PCDH9: variants seen among roughly 807,000 people sequenced by gnomAD.
PCDH9 encodes the protein protocadherin-9.
In PCDH9, 24 loss-of-function variants were observed where a neutral mutation model predicts 70.6. That is an observed-to-expected ratio of 0.34 (90% confidence interval 0.25 to 0.48). The LOEUF (loss-of-function observed/expected upper bound fraction) is 0.48, where lower values mean the gene tolerates loss of function less well. PCDH9 is among the 20% of genes least tolerant of loss of function. The probability of loss-of-function intolerance (pLI) is 0.99; values close to 1 mark genes in which losing one functional copy is unlikely to be tolerated. For synonymous variants in PCDH9, 562 were observed against 558.5 expected, an observed-to-expected ratio of 1.01 and a Z score of -0.09; for missense variants, 1,281 against 1,503.6, an observed-to-expected ratio of 0.85 and a Z score of 2.45.
At chr13:67,196,768 C>A (rs370099570) in intron 2 of PCDH9, among the ~76,000 whole-genome samples, 1 of 151,878 alleles carries the variant, frequency 6.6e-6, no homozygotes, top group Non-Finnish European at 1.5e-5. Context: ...TACCAAAAAA[C>A]CCAAAATCCT....
At chr13:67,069,577 C>G (rs1015645808) in intron 2 of PCDH9, among the ~76,000 whole-genome samples, 2 of 152,154 alleles carry the variant, frequency 1.3e-5, no homozygotes, top group African/African-American at 4.8e-5. Context: ...GCTTAATTCC[C>G]TCCTGCTTCC....
chr13:66,894,959 C>CA, intron 3 of PCDH9, among the ~76,000 whole-genome samples: 1 of 152,078 alleles, frequency 6.6e-6, no homozygotes, highest in South Asian at 2.1e-4. Flanking sequence ...AGGCATGTAC[C>CA]ACCATGCCTG....
chr13:67,223,314 A>G lies in PCDH9; in HGVS notation c.3036+2091T>C, dbSNP rs550700176. ...TGTCACTACACTATATATAGGTTCA[A>G]CTTTTGGGGAGGTCAGAAAAAGTGG... On this transcript the variant is annotated intron_variant, in intron 2 of 4. Coordinates refer to ENST00000377865, the MANE Select transcript of PCDH9 (RefSeq NM_203487.3). The G allele has an allele frequency of 2.4e-4, 37 of 152,260 alleles. No homozygotes were observed. In the South Asian group the frequency reaches 7.7e-3, roughly 32 times the overall value. The allele number at this position is 152,260 out of a possible 1,614,324, so 9.4% of individuals were successfully genotyped here. A position where few individuals can be genotyped will look rare whatever the true frequency, so the allele number is the denominator to read the frequency against.
intron 3 of PCDH9, among the ~76,000 whole-genome samples, chr13:66,668,326 T>C (rs1180901730): frequency 2.6e-5 from 4 of 152,194 alleles, no homozygotes; most frequent in Non-Finnish European, 5.9e-5. Flanking sequence ...CAGTCACTTT[T>C]CTTCTGAGAG....
chr13:66,398,484 C>T (rs181675958), intron 4 of PCDH9, among the ~76,000 whole-genome samples: 198 of 152,026 alleles, frequency 1.3e-3, no homozygotes, highest in African/African-American at 4.0e-3. Context: ...TACATATCCC[C>T]GTTAGGGTTT....
At chr13:66,611,082 T>A (rs1054411318) in intron 4 of PCDH9, among the ~76,000 whole-genome samples, 1 of 152,166 alleles carries the variant, frequency 6.6e-6, no homozygotes, top group Non-Finnish European at 1.5e-5. Flanking sequence ...TCAGGCACGA[T>A]AAAATACCCA....
chr13:66,824,707 CAT>C lies in PCDH9; in HGVS notation c.3138+78795_3138+78796del, dbSNP rs1291790075. Among the ~76,000 whole-genome samples the C allele has an allele frequency of 9.9e-3, 1,308 of 131,920 alleles. 23 individuals carry two copies. Among genetic ancestry groups the C allele is most frequent in the African/African-American group, 0.036 (1,202 of 33,418 alleles). 86.5% of individuals were successfully genotyped at this position (131,920 alleles called of 152,430 possible). A position where few individuals can be genotyped will look rare whatever the true frequency, so the allele number is the denominator to read the frequency against. On this transcript the variant is annotated intron_variant, in intron 3 of 4. Transcript: ENST00000377865. The stretch of plus-strand genomic sequence containing the variant: ...ATATATATATATATATGCACACACA[CAT>C]ATATATATACACACACACATATATA...
chr13:67,082,202 T>C (rs534323180), intron 2 of PCDH9, among the ~76,000 whole-genome samples: 1 of 152,334 alleles, frequency 6.6e-6, no homozygotes, highest in South Asian at 2.1e-4. Flanking sequence ...GGTTTAGTCA[T>C]ATTGCATAAC....
chr13:66,380,761 T>C (rs550564811), intron 4 of PCDH9, among the ~76,000 whole-genome samples: 24 of 152,186 alleles, frequency 1.6e-4, no homozygotes, highest in Non-Finnish European at 3.1e-4. Context: ...GCCAGGATGG[T>C]CTCGATCTCC....
rs1420635635 is a variant in PCDH9, at chr13:67,227,090, G to A, written c.1351C>T (p.Gln451Ter). The change falls in exon 2 of 5, where the codon CAG becomes TAG. Residue 451 changes from glutamine to a stop codon, truncating the protein, a stop_gained. Transcript: ENST00000377865. LOFTEE classifies it high-confidence loss of function. This position sits in a 1 kb window ranked among gnomAD's most constrained non-coding sequence, Gnocchi z 4.6. ...AGCTTAACCCTTACCAGGGCAGTCT[G>A]ATTTAAACTGGGCTTCCCAGAATCA... ...ASDSGKPSLN[Q>*]TALVRVKLED... The A allele has an allele frequency of 6.2e-7, 1 of 1,614,148 alleles. No individual in the cohort carries two copies. Among genetic ancestry groups the A allele is most frequent in the Non-Finnish European group, 8.5e-7 (1 of 1,179,996 alleles).
intron 3 of PCDH9, among the ~76,000 whole-genome samples, chr13:66,824,729 T>TATATATATATACACACACAC (rs2080787097): frequency 7.1e-6 from 1 of 140,226 alleles, no homozygotes; most frequent in Non-Finnish European, 1.5e-5. Flanking sequence ...CACACACACA[T>TATATATATATACACACACAC]ATATATATAT....
intron 3 of PCDH9, among the ~76,000 whole-genome samples, chr13:66,694,700 G>A (rs999039184): frequency 6.6e-6 from 1 of 151,710 alleles, no homozygotes; most frequent in Non-Finnish European, 1.5e-5. Flanking sequence ...TCTAAATACT[G>A]TGATATCATA....
chr13:67,091,300 T>G (rs2086213574), intron 2 of PCDH9, among the ~76,000 whole-genome samples: 1 of 152,054 alleles, frequency 6.6e-6, no homozygotes, highest in African/African-American at 2.4e-5. Context: ...AATCTATGTT[T>G]TATCTACACA....
rs945964854 is a variant in PCDH9, at chr13:66,368,819, T to A, written c.3341-63791A>T. On this transcript the variant is annotated intron_variant, in intron 4 of 4. Transcript: ENST00000377865. ...AAGGAGGAGCAAGTCACGTCTTACATGGATGGCAGCAGGCAAAGAGAGAGA... is the reference window on the plus strand; with the variant it reads ...AAGGAGGAGCAAGTCACGTCTTACAAGGATGGCAGCAGGCAAAGAGAGAGA... Among the ~76,000 whole-genome samples, 3 of 152,152 alleles carry A rather than the reference T, an allele frequency of 2.0e-5. No homozygotes were observed. The East Asian group carries it at 5.8e-4, about 30-fold the overall frequency.
intron 4 of PCDH9, among the ~76,000 whole-genome samples, chr13:66,439,733 C>T (rs1480202526): frequency 1.3e-5 from 2 of 152,112 alleles, no homozygotes; most frequent in Non-Finnish European, 2.9e-5. Flanking sequence ...TGTTAGGCTT[C>T]ACGGTATGTA....
chr13:66,382,564 A>G (rs1248635676), intron 4 of PCDH9, among the ~76,000 whole-genome samples: 1 of 152,130 alleles, frequency 6.6e-6, no homozygotes, highest in African/African-American at 2.4e-5. Context: ...ATGAAATTTT[A>G]TGAACTTCTC....
chr13:66,310,340 C>T (rs1450340336), intron 4 of PCDH9, among the ~76,000 whole-genome samples: 1 of 152,022 alleles, frequency 6.6e-6, no homozygotes, highest in African/African-American at 2.4e-5. Flanking sequence ...ATTAGCAGCT[C>T]TCAGACAGGT....
At chr13:66,664,438 T>C (rs1461763136) in intron 3 of PCDH9, among the ~76,000 whole-genome samples, 2 of 112,322 alleles carry the variant, frequency 1.8e-5, no homozygotes, top group East Asian at 4.4e-4. Flanking sequence ...CAAACAGCAA[T>C]GGGCTTTTTT....
chr13:66,345,938 A>C (rs2138156818), intron 4 of PCDH9, among the ~76,000 whole-genome samples: 1 of 152,374 alleles, frequency 6.6e-6, no homozygotes, highest in African/African-American at 2.4e-5. Context: ...ACACCACACA[A>C]TAAGCGTATA....
Sources: allele counts gnomAD v4.1 joint callset (sites outside exome capture counted in the v4.1 genomes callset), GRCh38; gene constraint gnomAD v4.1.1; non-coding constraint Gnocchi (gnomAD v3.1); transcripts MANE v1.5; gene names NCBI Gene and HGNC (gene_info 2026-07-23, HGNC 2026-07-21).